The following NRG3 variants were observed in gnomAD, a reference collection of about 807,000 sequenced individuals.
The protein encoded by NRG3 is pro-neuregulin-3, membrane-bound isoform.
A neutral mutation model predicts 66.9 loss-of-function variants in NRG3; 31 were observed. That is an observed-to-expected ratio of 0.46 (90% CI 0.35 to 0.63). The LOEUF (loss-of-function observed/expected upper bound fraction) is 0.63, where lower values mean the gene tolerates loss of function less well. Ranked by LOEUF, NRG3 falls within the 20% of genes least tolerant of loss-of-function variation. NRG3 has a pLI of 0.00. For synonymous variants in NRG3, 393 were observed against 359.4 expected, an observed-to-expected ratio of 1.09 and a Z score of -1.06; for missense variants, 910 against 878.9, an observed-to-expected ratio of 1.04 and a Z score of -0.45.
At chr10:82,397,986 G>A (rs189633601) in intron 2 of NRG3, among the ~76,000 whole-genome samples, 33 of 152,264 alleles carry the variant, frequency 2.2e-4, no homozygotes, top group African/African-American at 7.7e-4. Context: ...AGCACTTACA[G>A]TGTATGCAAG....
At chr10:82,239,353 G>T (rs537500332) in intron 1 of NRG3, among the ~76,000 whole-genome samples, 9 of 151,952 alleles carry the variant, frequency 5.9e-5, no homozygotes, top group African/African-American at 1.9e-4. Flanking sequence ...ATGGGGTTCC[G>T]CCATGTTGGC....
chr10:82,021,969 G>A (rs1258959882), intron 1 of NRG3, among the ~76,000 whole-genome samples: 1 of 151,332 alleles, frequency 6.6e-6, no homozygotes, highest in Non-Finnish European at 1.5e-5. Context: ...TAGAAATTTG[G>A]ATGATTTACA....
intron 4 of NRG3, among the ~76,000 whole-genome samples, chr10:82,934,900 G>A (rs1001969381): frequency 6.6e-6 from 1 of 152,064 alleles, no homozygotes; most frequent in African/African-American, 2.4e-5. Context: ...TCACCATACC[G>A]TGGGTTTGTA....
At chr10:82,474,008 G>GA (rs965596373) in intron 2 of NRG3, among the ~76,000 whole-genome samples, 2 of 151,844 alleles carry the variant, frequency 1.3e-5, no homozygotes, top group Non-Finnish European at 2.9e-5. Context: ...AGAATTGGGG[G>GA]AAAAAATGAT....
intron 2 of NRG3, among the ~76,000 whole-genome samples, chr10:82,413,986 C>G (rs2088325848): frequency 6.6e-6 from 1 of 152,098 alleles, no homozygotes; most frequent in Admixed American, 6.6e-5. Flanking sequence ...TCCATATTAG[C>G]AATAAGGCTT....
chr10:82,719,552 T>C (rs1305714629), intron 2 of NRG3, among the ~76,000 whole-genome samples: 1 of 152,204 alleles, frequency 6.6e-6, no homozygotes. Flanking sequence ...TAGGAAGCAC[T>C]AAATGTGAAG....
intron 3 of NRG3, among the ~76,000 whole-genome samples, chr10:82,864,794 C>T (rs942840074): frequency 3.9e-5 from 6 of 152,208 alleles, no homozygotes; most frequent in South Asian, 2.1e-4. Flanking sequence ...TGGGGCTTAA[C>T]GGTCAGATCA....
At chr10:82,271,576 C>T (rs2078599831) in intron 1 of NRG3, among the ~76,000 whole-genome samples, 1 of 152,010 alleles carries the variant, frequency 6.6e-6, no homozygotes, top group Non-Finnish European at 1.5e-5. Context: ...CACATAATGT[C>T]ATGAAGTGTC....
intron 2 of NRG3, among the ~76,000 whole-genome samples, chr10:82,362,331 ATATG>A (rs926433376): frequency 2.0e-4 from 25 of 123,782 alleles, no homozygotes; most frequent in Middle Eastern, 4.0e-3. Flanking sequence ...GTGTATATAT[ATATG>A]TGTGTGTGTG....
intron 2 of NRG3, among the ~76,000 whole-genome samples, chr10:82,582,294 A>G (rs2046398106): frequency 6.6e-6 from 1 of 152,106 alleles, no homozygotes; most frequent in Admixed American, 6.6e-5. Flanking sequence ...AATGGGAGGT[A>G]AGGATACATA....
Position 82,040,339 on chromosome 10 carries a change from A to T in NRG3, c.823+164176A>T, listed in dbSNP as rs548751410. ...CACAAATATACCCATATGTATACAC[A>T]TGCACACACAAACACAGACATATAT... On this transcript the variant is annotated intron_variant, in intron 1 of 8. Coordinates refer to ENST00000372141, the MANE Select transcript of NRG3 (RefSeq NM_001010848.4). Among the ~76,000 whole-genome samples the T allele has an allele frequency of 2.0e-5, 3 of 152,170 alleles. No homozygotes were observed. In the South Asian group the frequency reaches 6.2e-4, roughly 32 times the overall value.
chr10:82,700,367 G>T (rs2055768088), intron 2 of NRG3, among the ~76,000 whole-genome samples: 1 of 152,182 alleles, frequency 6.6e-6, no homozygotes. Flanking sequence ...GATTATTAAT[G>T]CATCACTTTG....
intron 2 of NRG3, among the ~76,000 whole-genome samples, chr10:82,717,434 G>C (rs2494022): frequency 0.72 from 97,779 of 135,214 alleles, 35,994 homozygotes; most frequent in East Asian, 0.89. Context: ...GAGTCTTGCT[G>C]TGTCGCCCAG....
At chr10:82,650,037 C>G (rs981164121) in intron 2 of NRG3, among the ~76,000 whole-genome samples, 2 of 151,814 alleles carry the variant, frequency 1.3e-5, no homozygotes, top group African/African-American at 4.8e-5. Context: ...AGAAATTGAC[C>G]CTGTTCAGTC....
chr10:82,343,628 C>G (rs945542107), intron 1 of NRG3, among the ~76,000 whole-genome samples: 11 of 152,188 alleles, frequency 7.2e-5, no homozygotes, highest in African/African-American at 2.7e-4. Context: ...CATCGCATAT[C>G]TGTCTTCACA....
chr10:82,078,498 C>A (rs2065215196), intron 1 of NRG3, among the ~76,000 whole-genome samples: 1 of 152,086 alleles, frequency 6.6e-6, no homozygotes, highest in Non-Finnish European at 1.5e-5. Context: ...CTACAGGCAC[C>A]CGCCACCACA....
intron 1 of NRG3, among the ~76,000 whole-genome samples, chr10:82,348,114 T>A (rs1176563527): frequency 6.6e-6 from 1 of 150,910 alleles, no homozygotes; most frequent in African/African-American, 2.5e-5. Flanking sequence ...GTCATTATGA[T>A]GTTAGCTGGT....
intron 1 of NRG3, among the ~76,000 whole-genome samples, chr10:82,215,937 G>T (rs2075642758): frequency 7.4e-6 from 1 of 135,860 alleles, no homozygotes; most frequent in Admixed American, 7.3e-5. Context: ...AAAAATTCGT[G>T]GTTTGTTTAT....
At chr10:82,196,924 T>C (rs1360234738) in intron 1 of NRG3, among the ~76,000 whole-genome samples, 1 of 152,200 alleles carries the variant, frequency 6.6e-6, no homozygotes, top group East Asian at 1.9e-4. Flanking sequence ...CCTGGGAAAC[T>C]TAAAGCTACC....
Sources: gnomAD v4.1 joint callset for allele counts (sites outside exome capture counted in the v4.1 genomes callset) on GRCh38, gnomAD v4.1.1 for gene constraint, MANE v1.5 for transcripts, NCBI Gene and HGNC (gene_info 2026-07-23, HGNC 2026-07-21) for gene names.